Variants in CSMD1 observed in about 807,000 individuals in gnomAD.
CSMD1 encodes the protein CUB and sushi domain-containing protein 1.
A neutral mutation model predicts 417.5 loss-of-function variants in CSMD1; 213 were observed. That is an observed-to-expected ratio of 0.51 (90% CI 0.46 to 0.57). CSMD1 has a LOEUF of 0.57. Among genes scored for constraint, CSMD1 ranks in the 20% least tolerant of loss-of-function variants. The probability of loss-of-function intolerance (pLI) is 0.00; values close to 1 mark genes in which losing one functional copy is unlikely to be tolerated. For missense variants in CSMD1, 6,923 were observed against 4,529.7 expected, an observed-to-expected ratio of 1.53 and a Z score of -15.17; for synonymous variants, 2,862 against 1,736.8, an observed-to-expected ratio of 1.65 and a Z score of -16.11.
Position 2,938,353 on chromosome 8 carries a change from C to A in CSMD1, c.*232G>T. 2.2e-6 allele frequency: 1 copy of A among 456,868 alleles called. No homozygotes were observed. The highest frequency in any genetic ancestry group is 3.9e-6 in the Non-Finnish European group (1 of 259,410). 28.3% of individuals were successfully genotyped at this position (456,868 alleles called of 1,614,324 possible). A position where few individuals can be genotyped will look rare whatever the true frequency, so the allele number is the denominator to read the frequency against. On this transcript the variant is annotated 3_prime_UTR_variant, in exon 70 of 70. Coordinates refer to ENST00000635120, the MANE Select transcript of CSMD1 (RefSeq NM_033225.6). ...AGTGTGCCTTGATTTCATACAGATG[C>A]AGCCAGGCATTTAGAACCCACTTTT...
intron 5 of CSMD1, among the ~76,000 whole-genome samples, chr8:3,761,275 C>A (rs10441641): frequency 0.2 from 29,925 of 151,950 alleles, 3,393 homozygotes; most frequent in South Asian, 0.29. Flanking sequence ...AAAATAAACA[C>A]AATAATACCC....
intron 2 of CSMD1, among the ~76,000 whole-genome samples, chr8:4,630,636 G>C (rs773341476): frequency 6.6e-6 from 1 of 152,170 alleles, no homozygotes; most frequent in Non-Finnish European, 1.5e-5. Context: ...TCTGTAGGTA[G>C]AATAGTGACA....
chr8:2,937,724 A>G lies in CSMD1; in HGVS notation c.*861T>C, dbSNP rs899624168. On this transcript the variant is annotated 3_prime_UTR_variant, in exon 70 of 70. Coordinates refer to ENST00000635120, the MANE Select transcript of CSMD1 (RefSeq NM_033225.6). ...AAATGGAGCTAATTGAAGCAATAAT[A>G]AAATAAATCTCTTCAATACTGTATT... is the stretch of plus-strand genomic sequence containing the variant. 1.3e-5 allele frequency: 2 copies of G among 152,644 alleles called. No individual in the cohort carries two copies. Among genetic ancestry groups the G allele is most frequent in the Admixed American group, 1.3e-4 (2 of 15,300 alleles). 9.5% of individuals were successfully genotyped at this position (152,644 alleles called of 1,614,324 possible).
At chr8:3,515,966 G>C (rs370628778) in intron 10 of CSMD1, among the ~76,000 whole-genome samples, 1 of 152,124 alleles carries the variant, frequency 6.6e-6, no homozygotes, top group Non-Finnish European at 1.5e-5. Context: ...CAAACTGTTC[G>C]TTGCCAGTCA....
rs767961947 is a variant in CSMD1 at position 3,586,202 on chromosome 8, T to C, written c.1156A>G (p.Ser386Gly). 6.2e-7 allele frequency: 1 copy of C among 1,612,876 alleles called. No homozygotes were observed. Among genetic ancestry groups the C allele is most frequent in the Non-Finnish European group, 8.5e-7 (1 of 1,179,482 alleles). Residue 386 changes from serine (S) to glycine (G), a missense_variant, in exon 9 of 70, where the codon AGC becomes GGC. Transcript: ENST00000635120. ...EDNYVLQGSK[S>G]ITCQRVTETL... ...TCTGTAACTCTCTGACAGGTGATGCTTTTAGATCCCTGGAGCACGTAATTG... is the reference window on the plus strand; with the variant it reads ...TCTGTAACTCTCTGACAGGTGATGCCTTTAGATCCCTGGAGCACGTAATTG...
At chr8:3,731,944 G>C (rs966609955) in intron 6 of CSMD1, among the ~76,000 whole-genome samples, 7 of 152,110 alleles carry the variant, frequency 4.6e-5, no homozygotes, top group African/African-American at 1.7e-4. Context: ...CCATACAATG[G>C]ACTCCAAACC....
At chr8:3,914,419 G>C (rs1808673553) in intron 5 of CSMD1, among the ~76,000 whole-genome samples, 1 of 152,128 alleles carries the variant, frequency 6.6e-6, no homozygotes, top group Non-Finnish European at 1.5e-5. Context: ...AGAAAGGAGA[G>C]ACAACCATGT....
intron 5 of CSMD1, among the ~76,000 whole-genome samples, chr8:3,862,916 A>T (rs927633071): frequency 1.3e-5 from 2 of 152,146 alleles, no homozygotes; most frequent in African/African-American, 4.8e-5. Context: ...AGCAAATTAC[A>T]TTTGTCTGGG....
intron 2 of CSMD1, among the ~76,000 whole-genome samples, chr8:4,525,261 G>A (rs761478180): frequency 1.3e-5 from 2 of 152,096 alleles, no homozygotes; most frequent in East Asian, 3.9e-4. Flanking sequence ...GAACAGAGAG[G>A]AAAGGAAAGA....
chr8:3,555,893 A>C (rs988190385), intron 10 of CSMD1, among the ~76,000 whole-genome samples: 1 of 152,190 alleles, frequency 6.6e-6, no homozygotes, highest in Admixed American at 6.5e-5. Context: ...AGGGTTCCAG[A>C]AGTCAGTCAA....
chr8:3,546,735 T>G (rs1320204487), intron 10 of CSMD1, among the ~76,000 whole-genome samples: 1 of 152,208 alleles, frequency 6.6e-6, no homozygotes, highest in Non-Finnish European at 1.5e-5. Context: ...TAAAAGGAGC[T>G]GCAGAAATCA....
intron 2 of CSMD1, among the ~76,000 whole-genome samples, chr8:4,455,929 C>CAAAAAAAGAAAA (rs1799443037): frequency 8.6e-5 from 1 of 11,646 alleles, no homozygotes; most frequent in African/African-American, 1.8e-4. Context: ...ACTCCAACTC[C>CAAAAAAAGAAAA]AAAAAAAAAA....
At position 3,205,501 on chromosome 8, in the gene CSMD1, T is replaced by C. The variant is rs1441732018; in HGVS notation, c.4984+3A>G. 1 of 1,409,326 alleles carries C rather than the reference T, an allele frequency of 7.1e-7. No homozygotes were observed. 87.3% of individuals were successfully genotyped at this position (1,409,326 alleles called of 1,614,324 possible). A position where few individuals can be genotyped will look rare whatever the true frequency, so the allele number is the denominator to read the frequency against. On this transcript the variant is annotated splice_donor_region_variant and intron_variant, in intron 31 of 69. Coordinates refer to ENST00000635120, the MANE Select transcript of CSMD1 (RefSeq NM_033225.6). ...TGAATTAAAAATACAAGGACATCCT[T>C]ACCGAATTCCTTTGGTACCGTGATG... is the stretch of plus-strand genomic sequence containing the variant.
intron 1 of CSMD1, among the ~76,000 whole-genome samples, chr8:4,788,824 T>C (rs1283115423): frequency 1.3e-5 from 2 of 152,234 alleles, no homozygotes; most frequent in African/African-American, 2.4e-5. Flanking sequence ...AAACATTTTA[T>C]ACATTTTAAA....
intron 5 of CSMD1, among the ~76,000 whole-genome samples, chr8:3,970,569 A>G (rs1188134748): frequency 1.3e-5 from 2 of 152,164 alleles, no homozygotes; most frequent in Non-Finnish European, 2.9e-5. Flanking sequence ...TGCAACGGAA[A>G]TGTTGTTAAA....
chr8:3,898,712 G>C (rs182814978), intron 5 of CSMD1, among the ~76,000 whole-genome samples: 1 of 152,104 alleles, frequency 6.6e-6, no homozygotes, highest in African/African-American at 2.4e-5. Context: ...ACAGGTGTAG[G>C]AATTCCTGAG....
At chr8:3,289,840 A>G (rs1350318488) in intron 25 of CSMD1, among the ~76,000 whole-genome samples, 1 of 147,028 alleles carries the variant, frequency 6.8e-6, no homozygotes, top group Non-Finnish European at 1.5e-5. Flanking sequence ...ATTAGATACC[A>G]TTTGTCAGTT....
intron 1 of CSMD1, among the ~76,000 whole-genome samples, chr8:4,962,574 T>C (rs1809578109): frequency 6.6e-6 from 1 of 152,166 alleles, no homozygotes; most frequent in Admixed American, 6.5e-5. Context: ...TATAGGATTT[T>C]GGCATAATCA....
intron 5 of CSMD1, among the ~76,000 whole-genome samples, chr8:3,912,908 G>T (rs1249156373): frequency 1.3e-5 from 2 of 152,214 alleles, no homozygotes; most frequent in Admixed American, 6.5e-5. Context: ...TTAATCAGCA[G>T]CTATGGTGGT....
Sources: allele counts gnomAD v4.1 joint callset (sites outside exome capture counted in the v4.1 genomes callset), GRCh38; gene constraint gnomAD v4.1.1; transcripts MANE v1.5; gene names NCBI Gene and HGNC (gene_info 2026-07-23, HGNC 2026-07-21).